CTNNA2: variants seen among roughly 807,000 people sequenced by gnomAD.
CTNNA2 encodes catenin alpha 2.
In CTNNA2, 42 loss-of-function variants were observed where a neutral mutation model predicts 101.0. The observed-to-expected ratio is 0.42, with a 90% CI of 0.32 to 0.54. The LOEUF is 0.54. Ranked by LOEUF, CTNNA2 falls within the 20% of genes least tolerant of loss-of-function variation. CTNNA2 has a pLI of 0.14. For missense variants in CTNNA2, 871 were observed against 1,223.1 expected (o/e 0.71, Z 4.29); for synonymous variants, 450 against 456.4 (o/e 0.99, Z 0.18).
At chr2:79,536,576 T>TATGTGTGTGTGTGTGTGTGTGC (rs1673079879) in intron 1 of CTNNA2, among the ~76,000 whole-genome samples, 1 of 142,016 alleles carries the variant, frequency 7.0e-6, no homozygotes, top group Non-Finnish European at 1.5e-5. Context: ...TCTAAAGAAG[T>TATGTGTGTGTGTGTGTGTGTGC]GTGTGTGTGT....
intron 7 of CTNNA2, among the ~76,000 whole-genome samples, chr2:80,345,723 C>CTAT (rs1464377613): frequency 6.6e-6 from 1 of 151,904 alleles, no homozygotes; most frequent in East Asian, 1.9e-4. Flanking sequence ...AGACTATGAA[C>CTAT]TATTTTAAAA....
intron 9 of CTNNA2, among the ~76,000 whole-genome samples, chr2:80,486,952 C>T (rs981088883): frequency 1.3e-5 from 2 of 152,188 alleles, no homozygotes; most frequent in African/African-American, 4.8e-5. Flanking sequence ...GATATCTTTT[C>T]ATATCTGCAC....
intron 3 of CTNNA2, among the ~76,000 whole-genome samples, chr2:79,750,422 G>T (rs1049829413): frequency 6.6e-6 from 1 of 152,176 alleles, no homozygotes; most frequent in Non-Finnish European, 1.5e-5. Flanking sequence ...CAGCCAATTT[G>T]AGAAGAAGTG....
At chr2:80,546,177 T>A in intron 11 of CTNNA2, 114 bp downstream of exon 11, 1 of 1,262,228 alleles carries the variant, frequency 7.9e-7, no homozygotes, top group Non-Finnish European at 1.1e-6. Flanking sequence ...CCTTAGATCT[T>A]TGAGCTTTTT....
At chr2:79,208,530 G>A (rs765693914) in intron 2 of CTNNA2, among the ~76,000 whole-genome samples, 1 of 152,170 alleles carries the variant, frequency 6.6e-6, no homozygotes, top group Non-Finnish European at 1.5e-5. Context: ...ACTTGGAATT[G>A]GGCTAGGATT....
At chr2:79,216,485 C>A (rs1285191992) in intron 2 of CTNNA2, among the ~76,000 whole-genome samples, 1 of 149,994 alleles carries the variant, frequency 6.7e-6, no homozygotes, top group Non-Finnish European at 1.5e-5. Flanking sequence ...GAGGTTGGGG[C>A]ATGGAAATAA....
At chr2:79,908,182 T>C (rs1685551944) in intron 6 of CTNNA2, among the ~76,000 whole-genome samples, 1 of 152,232 alleles carries the variant, frequency 6.6e-6, no homozygotes, top group African/African-American at 2.4e-5. Context: ...TAGCATTAAG[T>C]ACAGTAGTAG....
At chr2:80,327,842 C>T (rs977892161) in intron 7 of CTNNA2, among the ~76,000 whole-genome samples, 1 of 152,212 alleles carries the variant, frequency 6.6e-6, no homozygotes, top group African/African-American at 2.4e-5. Context: ...CCAAGACTTC[C>T]TTCTTTCAAC....
intron 1 of CTNNA2, among the ~76,000 whole-genome samples, chr2:79,639,214 T>C (rs986161510): frequency 1.3e-5 from 2 of 152,218 alleles, no homozygotes; most frequent in African/African-American, 4.8e-5. Context: ...TTCCTGCTTT[T>C]ACAATCTGAT....
At chr2:80,457,585 C>T (rs911764630) in intron 9 of CTNNA2, among the ~76,000 whole-genome samples, 13 of 152,018 alleles carry the variant, frequency 8.6e-5, no homozygotes, top group African/African-American at 2.7e-4. Flanking sequence ...TACTAGGCTT[C>T]GTAAGATCCA....
intron 1 of CTNNA2, among the ~76,000 whole-genome samples, chr2:79,537,271 C>T (rs559770829): frequency 6.6e-6 from 1 of 152,270 alleles, no homozygotes; most frequent in African/African-American, 2.4e-5. Flanking sequence ...ATCAAATGCT[C>T]ATCAGCCTGT....
chr2:80,505,137 GAATGAATA>G (rs1688167974), intron 9 of CTNNA2, among the ~76,000 whole-genome samples: 1 of 152,172 alleles, frequency 6.6e-6, no homozygotes, highest in Non-Finnish European at 1.5e-5. Context: ...AAGAATGAAT[GAATGAATA>G]AATGAATAAA....
intron 7 of CTNNA2, among the ~76,000 whole-genome samples, chr2:79,930,163 G>A (rs146335711): frequency 0.026 from 3,950 of 151,694 alleles, 173 homozygotes; most frequent in African/African-American, 0.09. Flanking sequence ...CTTGAACCTG[G>A]GAGGCAGAGG....
chr2:79,239,045 C>T (rs1165455552), intron 2 of CTNNA2, among the ~76,000 whole-genome samples: 2 of 152,082 alleles, frequency 1.3e-5, no homozygotes, highest in African/African-American at 4.8e-5. Flanking sequence ...TGGTTTGCTG[C>T]ACCTATCAAC....
chr2:79,203,134 TG>T (rs1266020993), intron 2 of CTNNA2, among the ~76,000 whole-genome samples: 2 of 152,188 alleles, frequency 1.3e-5, no homozygotes, highest in Admixed American at 1.3e-4. Context: ...GCCAAGTTGT[TG>T]GGACTCTCCT....
At chr2:80,530,250 C>T (rs756728038) in intron 9 of CTNNA2, among the ~76,000 whole-genome samples, 10 of 152,186 alleles carry the variant, frequency 6.6e-5, no homozygotes, top group Non-Finnish European at 1.3e-4. Flanking sequence ...CCCGGCACTG[C>T]TCTGCCCTGC....
At chr2:80,180,877 T>G (rs1231966541) in intron 7 of CTNNA2, among the ~76,000 whole-genome samples, 3 of 152,080 alleles carry the variant, frequency 2.0e-5, no homozygotes, top group African/African-American at 4.8e-5. Flanking sequence ...ACCAAGCAAA[T>G]AAACGATTAG....
At chr2:79,843,509 G>A (rs946036414) in intron 3 of CTNNA2, among the ~76,000 whole-genome samples, 1 of 152,214 alleles carries the variant, frequency 6.6e-6, no homozygotes, top group Non-Finnish European at 1.5e-5. Flanking sequence ...AGTATGTCAC[G>A]ATGCCTACTT....
rs377111323 is a variant in CTNNA2 at position 80,402,521 on chromosome 2, G to T, written c.1137+9230G>T. Among the ~76,000 whole-genome samples the T allele has an allele frequency of 1.4e-3, 207 of 152,118 alleles. 1 individual carries two copies. Among genetic ancestry groups the T allele is most frequent in the African/African-American group, 4.7e-3 (194 of 41,508 alleles). ...AAATTGCCTCATTAGAATAAAAGAT[G>T]CTGTCACCCAAGAAATTTCAGTGGC... On this transcript the variant is annotated intron_variant, in intron 8 of 18. Coordinates refer to ENST00000402739, the MANE Select transcript of CTNNA2 (RefSeq NM_001282597.3).
Sources: allele counts gnomAD v4.1 joint callset (sites outside exome capture counted in the v4.1 genomes callset), GRCh38; gene constraint gnomAD v4.1.1; transcripts MANE v1.5; gene names NCBI Gene and HGNC (gene_info 2026-07-23, HGNC 2026-07-21).